The following PER2 variants were observed in gnomAD, a reference collection of about 807,000 sequenced individuals.
PER2 encodes period circadian protein homolog 2.
PER2 carries 66 observed loss-of-function variants against 121.0 expected under a neutral mutation model. The observed-to-expected ratio is 0.55, with a 90% CI of 0.45 to 0.67. The LOEUF is 0.67. Ranked by LOEUF, PER2 falls within the 30% of genes least tolerant of loss-of-function variation. PER2 has a pLI of 0.00. For synonymous variants in PER2, 684 were observed against 659.9 expected (o/e 1.04, Z -0.56); for missense variants, 1,521 against 1,635.0 (o/e 0.93, Z 1.20).
At position 238,244,130 on chromosome 2, in the gene PER2, T is replaced by C. The variant is rs1559318128; in HGVS notation, c.*2245A>G. ...AAGCAGTCAAACAAATCTATTGCAC[T>C]GGGTAAAGAAAGTTTGGTTTGCACA... is the stretch of plus-strand genomic sequence containing the variant. On this transcript the variant is annotated 3_prime_UTR_variant, in exon 23 of 23. Coordinates refer to ENST00000254657, the MANE Select transcript of PER2 (RefSeq NM_022817.3). The C allele has an allele frequency of 6.5e-6, 1 of 152,696 alleles. No individual in the cohort carries two copies. Among genetic ancestry groups the C allele is most frequent in the East Asian group, 1.9e-4 (1 of 5,188 alleles). The allele number at this position is 152,696 out of a possible 1,614,324, so 9.5% of individuals were successfully genotyped here. A position where few individuals can be genotyped will look rare whatever the true frequency, so the allele number is the denominator to read the frequency against.
chr2:238,257,754 G>A (rs965238033), intron 16 of PER2, among the ~76,000 whole-genome samples: 1 of 152,252 alleles, frequency 6.6e-6, no homozygotes, highest in South Asian at 2.1e-4. Context: ...GATTACAGGC[G>A]TGAGCCACCG....
chr2:238,265,534 A>G lies in PER2; in HGVS notation c.1024T>C (p.Leu342=). 6.2e-7 allele frequency: 1 copy of G among 1,611,726 alleles called. No individual in the cohort carries two copies. Among genetic ancestry groups the G allele is most frequent in the Non-Finnish European group, 8.5e-7 (1 of 1,177,800 alleles). The change falls in exon 9 of 23, where the codon TTG becomes CTG. Residue 342 remains leucine, a synonymous_variant. Coordinates refer to ENST00000254657, the MANE Select transcript of PER2 (RefSeq NM_022817.3). ...TACCTTTCATCCACATCCTGGAACA[A>G]ACAATTTGGTGTATGGGTGGTTGTA... is the stretch of plus-strand genomic sequence containing the variant. ...IFTTTHTPNC[L]FQDVDERAVP...
chr2:238,247,337 C>T (rs1044890148), intron 22 of PER2: 2 of 152,258 alleles, frequency 1.3e-5, no homozygotes, highest in Admixed American at 6.5e-5. Flanking sequence ...GAGCTGAGGC[C>T]TCTGCCAAGA....
Position 238,253,508 on chromosome 2 carries a change from A to G in PER2, c.2515T>C (p.Ser839Pro). Residue 839 changes from serine to proline, a missense_variant, in exon 19 of 23, where the codon TCC (serine) becomes CCC (proline). Physicochemically the swap from Ser to Pro is moderately conservative, Grantham distance 74 (BLOSUM62 -1). Transcript: ENST00000254657. This position sits in a 1 kb window ranked among gnomAD's most constrained non-coding sequence, Gnocchi z 5.6. ...GGAAAGGGCACGGCTGGGCAGCTGG[A>G]CTGGGACGTGTCTGAGGGTGACCAG... ...TAWSPSDTSQSSCPAVPFPAP... is the reference protein window; with the variant it reads ...TAWSPSDTSQPSCPAVPFPAP... 1 of 1,611,924 alleles carries G rather than the reference A, an allele frequency of 6.2e-7. No homozygotes were observed. Among genetic ancestry groups the G allele is most frequent in the East Asian group, 2.2e-5 (1 of 44,840 alleles).
At chr2:238,260,108 T>C in intron 13 of PER2, 55 bp from the exon 14 acceptor site, 1 of 779,734 alleles carries the variant, frequency 1.3e-6, no homozygotes, top group Non-Finnish European at 2.2e-6. Flanking sequence ...TCCTTCAGTC[T>C]GTCCGGCAAA....
chr2:238,275,486 C>T (rs1696423636), intron 4 of PER2, among the ~76,000 whole-genome samples: 1 of 152,108 alleles, frequency 6.6e-6, no homozygotes, highest in South Asian at 2.1e-4. Context: ...TCCAGGAGTT[C>T]GAGACCAGCC....
chr2:238,262,354 C>G lies in PER2; in HGVS notation c.1154-10G>C, dbSNP rs1457816736. 1.2e-6 allele frequency: 2 copies of G among 1,613,682 alleles called. No individual in the cohort carries two copies. ...CCGCCTGACTGCAGGACTAGGAGAGCAAAAGCCAGCATTCAGGGGAAAAGG... is the reference window on the plus strand; with the variant it reads ...CCGCCTGACTGCAGGACTAGGAGAGGAAAAGCCAGCATTCAGGGGAAAAGG... On this transcript the variant is annotated splice_polypyrimidine_tract_variant and intron_variant, in intron 10 of 22. Coordinates refer to ENST00000254657, the MANE Select transcript of PER2 (RefSeq NM_022817.3).
upstream of PER2, among the ~76,000 whole-genome samples, chr2:238,294,791 G>A (rs536461625): frequency 4.3e-4 from 65 of 152,336 alleles, no homozygotes; most frequent in African/African-American, 1.5e-3. Context: ...AGGCCGCAAA[G>A]TCAGGAGCGA....
intron 4 of PER2, among the ~76,000 whole-genome samples, chr2:238,273,573 G>C (rs988882945): frequency 1.2e-4 from 18 of 150,964 alleles, no homozygotes; most frequent in Admixed American, 9.9e-4. Context: ...TCGGCTCACT[G>C]TAACTTCCGC....
the PER2 span, chr2:238,299,057 G>A: frequency 2.6e-5 from 4 of 152,186 alleles, no homozygotes; most frequent in Non-Finnish European, 5.9e-5. Flanking sequence ...GATTACCTGA[G>A]GTCAGGAGTT....
chr2:238,245,661 G>A lies in PER2; in HGVS notation c.*714C>T. 5.0e-6 allele frequency: 2 copies of A among 398,610 alleles called. No individual in the cohort carries two copies. The highest frequency in any genetic ancestry group is 8.8e-6 in the Non-Finnish European group (2 of 226,070). 24.7% of individuals were successfully genotyped at this position (398,610 alleles called of 1,614,324 possible). A position where few individuals can be genotyped will look rare whatever the true frequency, so the allele number is the denominator to read the frequency against. ...AGAATAATGCAGAAATATACAGAGGGTCTGTCTGCGTGTGCATTCATCCGA... is the reference window on the plus strand; with the variant it reads ...AGAATAATGCAGAAATATACAGAGGATCTGTCTGCGTGTGCATTCATCCGA... On this transcript the variant is annotated 3_prime_UTR_variant, in exon 23 of 23. Coordinates refer to ENST00000254657, the MANE Select transcript of PER2 (RefSeq NM_022817.3).
chr2:238,288,838 C>T (rs1696877890), upstream of PER2, among the ~76,000 whole-genome samples: 1 of 152,090 alleles, frequency 6.6e-6, no homozygotes, highest in Non-Finnish European at 1.5e-5. Flanking sequence ...CCCCGGCCTC[C>T]GCCATTGGCC....
chr2:238,286,749 A>G (rs1696801412), intron 1 of PER2, among the ~76,000 whole-genome samples: 3 of 152,276 alleles, frequency 2.0e-5, no homozygotes, highest in Non-Finnish European at 4.4e-5. Context: ...ATGACCTGAC[A>G]GAGCCGTGGT....
rs773980468 is a variant in PER2 at position 238,273,148 on chromosome 2, G to T, written c.492C>A (p.His164Gln). The part of the protein sequence containing the change: ...YYQLLMSSEG[H>Q]PCGADVPSYT... ...AGGAGGGCACGTCTGCTCCACAGGGGTGACCCTCGCTGGACATCAGCAGCT... is the reference window on the plus strand; with the variant it reads ...AGGAGGGCACGTCTGCTCCACAGGGTTGACCCTCGCTGGACATCAGCAGCT... Residue 164 changes from histidine (H) to glutamine (Q), a missense_variant, in exon 5 of 23, where the codon CAC becomes CAA. His to Gln is a conservative substitution (Grantham distance 24). Transcript: ENST00000254657. 1 of 1,613,942 alleles carries T rather than the reference G, an allele frequency of 6.2e-7. No homozygotes were observed. Among genetic ancestry groups the T allele is most frequent in the South Asian group, 1.1e-5 (1 of 91,076 alleles).
chr2:238,284,456 AAG>A (rs942704196), intron 1 of PER2, among the ~76,000 whole-genome samples: 1 of 151,942 alleles, frequency 6.6e-6, no homozygotes, highest in Non-Finnish European at 1.5e-5. Flanking sequence ...AAAAAAAAAA[AAG>A]AGAGAGAAAA....
rs1017071802 is a variant in PER2 at position 238,252,287 on chromosome 2, C to T, written c.3112-526G>A. On this transcript the variant is annotated intron_variant, in intron 19 of 22. Coordinates refer to ENST00000254657, the MANE Select transcript of PER2 (RefSeq NM_022817.3). This position sits in a 1 kb window ranked among gnomAD's most constrained non-coding sequence, Gnocchi z 4.2. ...AGATCTACATGCTTGCACTTCCTCACCCGGGAGCCCTAGGTCCTCTGGCCA... is the reference window on the plus strand; with the variant it reads ...AGATCTACATGCTTGCACTTCCTCATCCGGGAGCCCTAGGTCCTCTGGCCA... Among the ~76,000 whole-genome samples the T allele has an allele frequency of 6.6e-6, 1 of 152,254 alleles. No individual in the cohort carries two copies. The highest frequency in any genetic ancestry group is 2.1e-4 in the South Asian group (1 of 4,834).
chr2:238,255,245 G>A (rs770067318), intron 18 of PER2: 1 of 306,486 alleles, frequency 3.3e-6, no homozygotes, highest in Non-Finnish European at 6.3e-6. Context: ...CTGGGGAGAA[G>A]GGCACCAGAA....
At chr2:238,265,762 G>A (rs1185878837) in intron 8 of PER2, among the ~76,000 whole-genome samples, 172 bp from the exon 9 acceptor site, 1 of 152,196 alleles carries the variant, frequency 6.6e-6, no homozygotes, top group Non-Finnish European at 1.5e-5. Context: ...CCTTATGCTG[G>A]TTGTGGGATC....
intron 1 of PER2, among the ~76,000 whole-genome samples, chr2:238,281,397 T>A (rs1696625022): frequency 1.3e-5 from 2 of 152,212 alleles, no homozygotes; most frequent in Non-Finnish European, 2.9e-5. Flanking sequence ...CATAGCTGGT[T>A]TTATCAACAT....
Sources: allele counts gnomAD v4.1 joint callset (sites outside exome capture counted in the v4.1 genomes callset), GRCh38; gene constraint gnomAD v4.1.1; non-coding constraint Gnocchi (gnomAD v3.1); transcripts MANE v1.5; gene names NCBI Gene and HGNC (gene_info 2026-07-23, HGNC 2026-07-21).